Variants in BRINP3 observed in about 807,000 individuals in gnomAD.
BRINP3 encodes BMP/retinoic acid inducible neural specific 3, also known as BMP/retinoic acid-inducible neural-specific protein 3.
Under a neutral mutation model 71.0 loss-of-function variants are expected in BRINP3, and 19 were observed. The observed-to-expected ratio is 0.27, with a 90% CI of 0.19 to 0.39. The LOEUF (loss-of-function observed/expected upper bound fraction) is 0.39. BRINP3 is among the 10% of genes least tolerant of loss of function. The probability of loss-of-function intolerance (pLI) is 1.00; values close to 1 mark genes in which losing one functional copy is unlikely to be tolerated. For synonymous variants in BRINP3, 380 were observed against 337.7 expected (o/e 1.13, Z -1.37); for missense variants, 959 against 940.8 (o/e 1.02, Z -0.25).
chr1:190,272,167 G>C (rs947768221), intron 3 of BRINP3, among the ~76,000 whole-genome samples: 8 of 151,420 alleles, frequency 5.3e-5, no homozygotes, highest in Non-Finnish European at 7.4e-5. Flanking sequence ...TACTTCTGTC[G>C]TGAAGAATAT....
intron 4 of BRINP3, among the ~76,000 whole-genome samples, chr1:190,235,793 ACTC>A (rs1436025320): frequency 1.3e-5 from 2 of 151,870 alleles, no homozygotes; most frequent in Non-Finnish European, 2.9e-5. Context: ...AATACCCCAA[ACTC>A]TTCCAACATT....
At chr1:190,100,922 G>A (rs1223986752) in intron 7 of BRINP3, among the ~76,000 whole-genome samples, 1 of 152,136 alleles carries the variant, frequency 6.6e-6, no homozygotes, top group African/African-American at 2.4e-5. Context: ...GGAATATGAT[G>A]TGTCCTTGGA....
At chr1:190,212,180 A>G (rs1237169191) in intron 6 of BRINP3, among the ~76,000 whole-genome samples, 3 of 152,124 alleles carry the variant, frequency 2.0e-5, no homozygotes, top group Non-Finnish European at 4.4e-5. Flanking sequence ...ATGATTGTCA[A>G]AAACCTTTAC....
chr1:190,405,491 AAC>A lies in BRINP3; in HGVS notation c.236+49162_236+49163del, dbSNP rs1272822559. Among the ~76,000 whole-genome samples, 103 of 53,946 alleles carry A rather than the reference AAC, an allele frequency of 1.9e-3. 42 individuals are homozygous for A. Among genetic ancestry groups the A allele is most frequent in the Admixed American group, 2.7e-3 (13 of 4,734 alleles). The allele number at this position is 53,946 out of a possible 152,430, so 35.4% of individuals were successfully genotyped here. On this transcript the variant is annotated intron_variant, in intron 2 of 7. Transcript: ENST00000367462. ...AAAAAAAAAAAAAAAAAAAAAAAAA[AAC>A]CAGAATCAGAAGCGTGACATATCAT...
At chr1:190,415,307 A>G (rs1001519906) in intron 2 of BRINP3, among the ~76,000 whole-genome samples, 2 of 152,166 alleles carry the variant, frequency 1.3e-5, no homozygotes, top group Non-Finnish European at 2.9e-5. Flanking sequence ...CATGATCTCT[A>G]CATAAGTGAC....
At chr1:190,148,409 C>T (rs1429899343) in intron 7 of BRINP3, among the ~76,000 whole-genome samples, 1 of 151,392 alleles carries the variant, frequency 6.6e-6, no homozygotes, top group East Asian at 2.0e-4. Context: ...CTGACTAACA[C>T]GGAGAAACCC....
intron 4 of BRINP3, 56 bp from the exon 5 acceptor site, chr1:190,234,533 G>A (rs1374286549): frequency 7.5e-7 from 1 of 1,341,182 alleles, no homozygotes. Flanking sequence ...ATGTCCTTTT[G>A]GTTCACTGTA....
chr1:190,139,953 A>G (rs1188002223), intron 7 of BRINP3, among the ~76,000 whole-genome samples: 1 of 152,252 alleles, frequency 6.6e-6, no homozygotes, highest in African/African-American at 2.4e-5. Flanking sequence ...TAAGCGAATA[A>G]ATACGATAAA....
intron 1 of BRINP3, among the ~76,000 whole-genome samples, chr1:190,471,727 G>T (rs1396862000): frequency 2.0e-5 from 3 of 151,370 alleles, no homozygotes; most frequent in Non-Finnish European, 4.5e-5. Flanking sequence ...GAGATCATCA[G>T]GTTGACAATA....
At chr1:190,446,854 C>T (rs1461658748) in intron 2 of BRINP3, among the ~76,000 whole-genome samples, 3 of 152,006 alleles carry the variant, frequency 2.0e-5, no homozygotes, top group East Asian at 1.9e-4. Flanking sequence ...TTGGGATGCA[C>T]TTGATCTTTA....
chr1:190,170,218 T>C (rs1207916603), intron 6 of BRINP3, among the ~76,000 whole-genome samples: 2 of 151,992 alleles, frequency 1.3e-5, no homozygotes, highest in Admixed American at 6.6e-5. Flanking sequence ...TGAATTTGAA[T>C]TATAGGATTA....
rs541638947 is a variant in BRINP3, at chr1:190,231,118, T to G, written c.724+3254A>C. 9.2e-5 allele frequency among the ~76,000 whole-genome samples: 14 copies of G among 151,798 alleles called. No homozygotes were observed. The South Asian group carries it at 2.7e-3, about 29-fold the overall frequency. ...CACTTATTATAAGTATGAAGAAATA[T>G]TTTTTTAAAGCAAATATAATCAGCT... On this transcript the variant is annotated intron_variant, in intron 5 of 7. Transcript: ENST00000367462.
chr1:190,193,588 T>C (rs1654232294), intron 6 of BRINP3, among the ~76,000 whole-genome samples: 1 of 152,102 alleles, frequency 6.6e-6, no homozygotes. Flanking sequence ...ACAGATGTGA[T>C]TAAGTTAAGG....
chr1:190,156,989 G>C (rs981820218), intron 7 of BRINP3, among the ~76,000 whole-genome samples: 1 of 151,884 alleles, frequency 6.6e-6, no homozygotes, highest in Non-Finnish European at 1.5e-5. Context: ...TGGCTTCCAT[G>C]ATATATTTTA....
At chr1:190,372,453 G>A (rs1669927148) in intron 2 of BRINP3, among the ~76,000 whole-genome samples, 1 of 152,186 alleles carries the variant, frequency 6.6e-6, no homozygotes, top group Non-Finnish European at 1.5e-5. Flanking sequence ...CAGCAGCTTT[G>A]TGATGCTCAG....
chr1:190,335,846 A>G lies in BRINP3; in HGVS notation c.237-54096T>C, dbSNP rs548360432. Among the ~76,000 whole-genome samples, 75 of 152,104 alleles carry G rather than the reference A, an allele frequency of 4.9e-4. 1 individual carries two copies. Among genetic ancestry groups the G allele is most frequent in the Admixed American group, 1.4e-3 (21 of 15,238 alleles). On this transcript the variant is annotated intron_variant, in intron 2 of 7. Coordinates refer to ENST00000367462, the MANE Select transcript of BRINP3 (RefSeq NM_199051.3). ...TTGCCAGTTAAAGATTTTACTGTTTAATATTGTGGTAGACAAACTCAAGGA... is the reference window on the plus strand; with the variant it reads ...TTGCCAGTTAAAGATTTTACTGTTTGATATTGTGGTAGACAAACTCAAGGA...
In BRINP3 at chr1:190,315,907, C is replaced by A. The variant is rs146043929; in HGVS notation, c.237-34157G>T. ...ACACAGGCAAACAATACTTCCCAGCCTCTCATGTTGTTAGAAGTAGATTTG... is the reference window on the plus strand; with the variant it reads ...ACACAGGCAAACAATACTTCCCAGCATCTCATGTTGTTAGAAGTAGATTTG... On this transcript the variant is annotated intron_variant, in intron 2 of 7. Transcript: ENST00000367462. Among the ~76,000 whole-genome samples, 68 of 152,242 alleles carry A rather than the reference C, an allele frequency of 4.5e-4. No homozygotes were observed. The East Asian group carries it at 0.013, about 28-fold the overall frequency.
At position 190,384,896 on chromosome 1, in the gene BRINP3, G is replaced by A. The variant is rs567827451; in HGVS notation, c.236+69759C>T. ...AATATTGATAAAAATAATGAACAGA[G>A]CCCTCAGAAATAATGCCACATATCT... On this transcript the variant is annotated intron_variant, in intron 2 of 7. Transcript: ENST00000367462. Among the ~76,000 whole-genome samples the A allele has an allele frequency of 1.2e-4, 18 of 151,748 alleles. 1 individual carries two copies. The highest frequency in any genetic ancestry group is 2.5e-4 in the Non-Finnish European group (17 of 67,946).
intron 7 of BRINP3, among the ~76,000 whole-genome samples, chr1:190,124,963 G>C (rs1571768767): frequency 6.6e-6 from 1 of 152,144 alleles, no homozygotes; most frequent in Admixed American, 6.6e-5. Flanking sequence ...ATCAGCATTT[G>C]CAATGTACCA....
Sources: allele counts gnomAD v4.1 joint callset (sites outside exome capture counted in the v4.1 genomes callset), GRCh38; gene constraint gnomAD v4.1.1; transcripts MANE v1.5; gene names NCBI Gene and HGNC (gene_info 2026-07-23, HGNC 2026-07-21).